The following MARCHF4 variants were observed in gnomAD, a reference collection of about 807,000 sequenced individuals.
The protein encoded by MARCHF4 is membrane associated ring-CH-type finger 4.
Under a neutral mutation model 43.9 loss-of-function variants are expected in MARCHF4, and 14 were observed. That is an observed-to-expected ratio of 0.32 (90% CI 0.21 to 0.50). MARCHF4 has a LOEUF of 0.50. MARCHF4 is among the 20% of genes least tolerant of loss of function. The probability of loss-of-function intolerance (pLI) is 0.98; values close to 1 mark genes in which losing one functional copy is unlikely to be tolerated. For missense variants in MARCHF4, 468 were observed against 536.7 expected, an observed-to-expected ratio of 0.87 and a Z score of 1.27; for synonymous variants, 226 against 213.3, an observed-to-expected ratio of 1.06 and a Z score of -0.52.
At chr2:216,297,704 C>T (rs1691419191) in intron 1 of MARCHF4, among the ~76,000 whole-genome samples, 1 of 152,120 alleles carries the variant, frequency 6.6e-6, no homozygotes, top group African/African-American at 2.4e-5. Flanking sequence ...TTAGTAGAGA[C>T]AGGGTTTCTC....
chr2:216,302,077 T>G (rs1691500229), intron 1 of MARCHF4, among the ~76,000 whole-genome samples: 1 of 152,198 alleles, frequency 6.6e-6, no homozygotes, highest in African/African-American at 2.4e-5. Flanking sequence ...AGGAAACTAT[T>G]TTGTGAGACA....
At chr2:216,320,613 T>TTC (rs1391183140) in intron 1 of MARCHF4, among the ~76,000 whole-genome samples, 3 of 39,488 alleles carry the variant, frequency 7.6e-5, no homozygotes, top group Non-Finnish European at 1.5e-4. Flanking sequence ...CTCTTTTTCT[T>TTC]TCTTTCTTTC....
At chr2:216,329,358 G>A (rs1255203643) in intron 1 of MARCHF4, among the ~76,000 whole-genome samples, 2 of 152,094 alleles carry the variant, frequency 1.3e-5, no homozygotes, top group African/African-American at 4.8e-5. Context: ...TCCAGCCTGG[G>A]TGACAGAGCG....
intron 3 of MARCHF4, among the ~76,000 whole-genome samples, chr2:216,271,633 T>C (rs915557888): frequency 6.6e-6 from 1 of 152,198 alleles, no homozygotes; most frequent in Non-Finnish European, 1.5e-5. Context: ...AAGTTCCTCT[T>C]TCCTGGGCTC....
At chr2:216,308,521 A>C (rs1691627650) in intron 1 of MARCHF4, among the ~76,000 whole-genome samples, 1 of 152,238 alleles carries the variant, frequency 6.6e-6, no homozygotes, top group Non-Finnish European at 1.5e-5. Context: ...GGCCTGTGCA[A>C]TCCATATAGG....
intron 3 of MARCHF4, among the ~76,000 whole-genome samples, chr2:216,272,770 T>G (rs979603430): frequency 6.6e-6 from 1 of 152,218 alleles, no homozygotes; most frequent in Non-Finnish European, 1.5e-5. Flanking sequence ...CATGCATTAG[T>G]CTAGAAAGTT....
intron 1 of MARCHF4, among the ~76,000 whole-genome samples, chr2:216,289,299 T>C (rs1473815694): frequency 2.8e-5 from 4 of 143,940 alleles, no homozygotes; most frequent in Non-Finnish European, 4.5e-5. Flanking sequence ...TTGCCACTTC[T>C]CTAAAAATAT....
At chr2:216,315,821 GA>G (rs1368427568) in intron 1 of MARCHF4, among the ~76,000 whole-genome samples, 1 of 152,056 alleles carries the variant, frequency 6.6e-6, no homozygotes, top group African/African-American at 2.4e-5. Context: ...TTTATACTAA[GA>G]AAAAATTAAG....
chr2:216,310,089 G>A (rs971822790), intron 1 of MARCHF4, among the ~76,000 whole-genome samples: 2 of 58,406 alleles, frequency 3.4e-5, no homozygotes, highest in African/African-American at 1.5e-4. Context: ...AGAACCACTG[G>A]GCCTAGATGA....
At chr2:216,361,162 A>G (rs1559107907) in intron 1 of MARCHF4, among the ~76,000 whole-genome samples, 1 of 152,228 alleles carries the variant, frequency 6.6e-6, no homozygotes, top group Non-Finnish European at 1.5e-5. Flanking sequence ...GCATGTCCAA[A>G]GACTCTGAGT....
chr2:216,262,695 G>A (rs1302273786), intron 3 of MARCHF4, among the ~76,000 whole-genome samples: 3 of 152,076 alleles, frequency 2.0e-5, no homozygotes, highest in Non-Finnish European at 4.4e-5. Context: ...TTGGAGCAGG[G>A]AATTGGAAAG....
chr2:216,351,668 G>GTT (rs1175106314), intron 1 of MARCHF4, among the ~76,000 whole-genome samples: 1 of 152,188 alleles, frequency 6.6e-6, no homozygotes, highest in African/African-American at 2.4e-5. Flanking sequence ...GGCCTTGTCC[G>GTT]TTTTGTTTAT....
At chr2:216,343,334 T>G (rs1436773057) in intron 1 of MARCHF4, among the ~76,000 whole-genome samples, 1 of 152,208 alleles carries the variant, frequency 6.6e-6, no homozygotes, top group Non-Finnish European at 1.5e-5. Flanking sequence ...CTTTCTAGCT[T>G]GCAGACAGCT....
chr2:216,290,589 C>T (rs930847398), intron 1 of MARCHF4, among the ~76,000 whole-genome samples: 1 of 152,088 alleles, frequency 6.6e-6, no homozygotes, highest in Non-Finnish European at 1.5e-5. Context: ...TTGACAGGAT[C>T]ACTGGCTGCT....
intron 1 of MARCHF4, among the ~76,000 whole-genome samples, chr2:216,319,337 C>A (rs1308392523): frequency 6.6e-6 from 1 of 151,914 alleles, no homozygotes; most frequent in Admixed American, 6.6e-5. Context: ...AAAACAAACA[C>A]AAATCTACCA....
At chr2:216,267,657 G>C (rs1690867314) in intron 3 of MARCHF4, among the ~76,000 whole-genome samples, 1 of 152,152 alleles carries the variant, frequency 6.6e-6, no homozygotes, top group Non-Finnish European at 1.5e-5. Flanking sequence ...GAAGTTTGTG[G>C]CTTGATGGCG....
At chr2:216,336,606 A>G (rs547910125) in intron 1 of MARCHF4, among the ~76,000 whole-genome samples, 10 of 152,210 alleles carry the variant, frequency 6.6e-5, no homozygotes, top group African/African-American at 1.4e-4. Flanking sequence ...CTGTCACTCT[A>G]TCTTCCTAAC....
At chr2:216,306,294 T>G (rs1328099459) in intron 1 of MARCHF4, among the ~76,000 whole-genome samples, 1 of 152,212 alleles carries the variant, frequency 6.6e-6, no homozygotes. Flanking sequence ...CCATTTCTAA[T>G]TTAATGTTAT....
intron 3 of MARCHF4, among the ~76,000 whole-genome samples, chr2:216,264,887 G>A (rs140283933): frequency 4.1e-4 from 62 of 152,316 alleles, no homozygotes; most frequent in African/African-American, 1.4e-3. Flanking sequence ...GATAATGCTT[G>A]TTTGGGAAAA....
Sources: gnomAD v4.1 joint callset for allele counts (sites outside exome capture counted in the v4.1 genomes callset) on GRCh38, gnomAD v4.1.1 for gene constraint, MANE v1.5 for transcripts, NCBI Gene and HGNC (gene_info 2026-07-23, HGNC 2026-07-21) for gene names.